The following RABGAP1 variants were observed in gnomAD, a reference collection of about 807,000 sequenced individuals.
RABGAP1 encodes RAB GTPase activating protein 1, also known as rab GTPase-activating protein 1.
In RABGAP1, 23 loss-of-function variants were observed where a neutral mutation model predicts 137.6. The observed-to-expected ratio is 0.17, with a 90% confidence interval of 0.12 to 0.24. The LOEUF is 0.24. RABGAP1 is among the 10% of genes least tolerant of loss of function. The pLI is 1.00. For synonymous variants in RABGAP1, 451 were observed against 450.7 expected, an observed-to-expected ratio of 1.00 and a Z score of -0.01; for missense variants, 906 against 1,275.8, an observed-to-expected ratio of 0.71 and a Z score of 4.42.
rs967674885 is a variant in RABGAP1, at chr9:122,967,680, A to C, written c.150+10471A>C. ...TAGTCATTTATAGTACATGGGGGGA[A>C]CCCTCAGGTATCTTCCGAAGAACAA... On this transcript the variant is annotated intron_variant, in intron 2 of 25. Transcript: ENST00000373647. Among the ~76,000 whole-genome samples the C allele has an allele frequency of 4.6e-5, 7 of 151,958 alleles. No individual in the cohort carries two copies. In the East Asian group the frequency reaches 9.6e-4, roughly 21 times the overall value.
rs557807127 is a variant in RABGAP1 at position 122,951,337 on chromosome 9, A to G, written c.-49-5674A>G. 2.0e-5 allele frequency among the ~76,000 whole-genome samples: 3 copies of G among 152,212 alleles called. No individual in the cohort carries two copies. In the East Asian group the frequency reaches 5.8e-4, roughly 29 times the overall value. ...CTGCTAATTGCACATTAGCAAATCC[A>G]TGCCACTGCATGTCACTGTTACTTC... On this transcript the variant is annotated intron_variant, in intron 1 of 25. Coordinates refer to ENST00000373647, the MANE Select transcript of RABGAP1 (RefSeq NM_012197.4).
chr9:122,964,271 G>A (rs1835009466), intron 2 of RABGAP1, among the ~76,000 whole-genome samples: 1 of 152,138 alleles, frequency 6.6e-6, no homozygotes, highest in South Asian at 2.1e-4. Context: ...AAGGGAAACT[G>A]CACACCAGTG....
At chr9:122,973,181 A>G (rs1835560231) in intron 2 of RABGAP1, among the ~76,000 whole-genome samples, 1 of 152,198 alleles carries the variant, frequency 6.6e-6, no homozygotes, top group South Asian at 2.1e-4. Context: ...AAGATACTCT[A>G]TAAATACTGG....
chr9:122,969,184 G>A (rs754566980), intron 2 of RABGAP1, among the ~76,000 whole-genome samples: 1 of 143,868 alleles, frequency 7.0e-6, no homozygotes, highest in Non-Finnish European at 1.6e-5. Flanking sequence ...TGTTAGAATT[G>A]CCTACAGTAT....
At chr9:123,035,560 G>C (rs774406174) in intron 13 of RABGAP1, 1 of 1,612,804 alleles carries the variant, frequency 6.2e-7, no homozygotes, top group Non-Finnish European at 8.5e-7. Context: ...TCAGACTACA[G>C]CCAACGACCC....
intron 2 of RABGAP1, among the ~76,000 whole-genome samples, chr9:122,958,279 T>C (rs995949505): frequency 6.6e-6 from 1 of 152,206 alleles, no homozygotes; most frequent in Non-Finnish European, 1.5e-5. Flanking sequence ...TGTGCGAAGC[T>C]GGGGCTGTGG....
At chr9:122,965,045 A>T (rs1356974677) in intron 2 of RABGAP1, among the ~76,000 whole-genome samples, 3 of 152,146 alleles carry the variant, frequency 2.0e-5, no homozygotes, top group African/African-American at 7.2e-5. Context: ...CAACAACAAA[A>T]ATGCAATGAA....
chr9:123,052,451 A>T (rs922716729), intron 13 of RABGAP1, among the ~76,000 whole-genome samples: 11 of 152,228 alleles, frequency 7.2e-5, no homozygotes, highest in Admixed American at 1.3e-4. Context: ...ATTATGTGTC[A>T]TACATCCTTT....
At chr9:123,060,087 G>T (rs1375690410) in intron 13 of RABGAP1, among the ~76,000 whole-genome samples, 1 of 152,204 alleles carries the variant, frequency 6.6e-6, no homozygotes, top group Non-Finnish European at 1.5e-5. Flanking sequence ...CAAGAATAGA[G>T]AACTGTTGAG....
At chr9:123,071,534 A>G (rs896058091) in intron 15 of RABGAP1, 1 of 152,232 alleles carries the variant, frequency 6.6e-6, no homozygotes, top group Non-Finnish European at 1.5e-5. Context: ...ATCCTCCTGG[A>G]TACAGAGCTT....
In RABGAP1 at chr9:122,957,165, C is replaced by T. The variant is rs1361971673; in HGVS notation, c.106C>T (p.Pro36Ser). The T allele has an allele frequency of 3.8e-6, 6 of 1,570,482 alleles. No individual in the cohort carries two copies. The African/African-American group carries it at 5.4e-5, about 14-fold the overall frequency. Reference sequence around the variant, plus strand: ...GGTTTCCAGGCAAGGAGATGAGACACCATCTACAAATAATGGAAGTGATGA... The same window carrying T: ...GGTTTCCAGGCAAGGAGATGAGACATCATCTACAAATAATGGAAGTGATGA... ...VLVSRQGDET[P>S]STNNGSDDEK... is the part of the protein sequence containing the mutation. The change falls in exon 2 of 26, where the codon CCA (proline) becomes TCA (serine). Residue 36 changes from proline to serine, a missense_variant. Coordinates refer to ENST00000373647, the MANE Select transcript of RABGAP1 (RefSeq NM_012197.4).
chr9:123,086,360 C>T (rs766921843), intron 19 of RABGAP1, among the ~76,000 whole-genome samples: 6 of 152,154 alleles, frequency 3.9e-5, no homozygotes, highest in South Asian at 4.1e-4. Context: ...TCTGGGTACT[C>T]GCTATACATG....
intron 9 of RABGAP1, among the ~76,000 whole-genome samples, chr9:122,997,653 C>G (rs1199661607): frequency 1.3e-5 from 2 of 151,580 alleles, no homozygotes; most frequent in Non-Finnish European, 2.9e-5. Flanking sequence ...AGAGGTAATC[C>G]ATGCACATAA....
At chr9:123,084,944 C>T (rs1405911806) in intron 19 of RABGAP1, among the ~76,000 whole-genome samples, 2 of 152,192 alleles carry the variant, frequency 1.3e-5, no homozygotes, top group Non-Finnish European at 2.9e-5. Context: ...AGCCCGAGCT[C>T]TTAGTGGGCA....
chr9:123,050,933 G>A (rs1177567140), intron 13 of RABGAP1, among the ~76,000 whole-genome samples: 1 of 152,102 alleles, frequency 6.6e-6, no homozygotes, highest in South Asian at 2.1e-4. Context: ...AGTTTCAATA[G>A]CAGGGTTTTT....
At chr9:122,976,102 T>G (rs1835748033) in intron 2 of RABGAP1, among the ~76,000 whole-genome samples, 1 of 152,226 alleles carries the variant, frequency 6.6e-6, no homozygotes, top group African/African-American at 2.4e-5. Context: ...CACCCTGCTA[T>G]GTAAGCAGAA....
chr9:122,936,910 C>T (rs1833395760), upstream of RABGAP1, among the ~76,000 whole-genome samples: 1 of 152,150 alleles, frequency 6.6e-6, no homozygotes. Flanking sequence ...TAAGCTTTCA[C>T]CCGAGGCTGA....
At chr9:123,004,458 A>C (rs886173153) in intron 10 of RABGAP1, among the ~76,000 whole-genome samples, 1 of 151,666 alleles carries the variant, frequency 6.6e-6, no homozygotes, top group Admixed American at 6.6e-5. Context: ...CTAATTTTTT[A>C]ATTTTTTGGA....
chr9:123,089,872 G>C, intron 20 of RABGAP1, 22 bp downstream of exon 20: 1 of 1,586,752 alleles, frequency 6.3e-7, no homozygotes. Flanking sequence ...TATGGCCTAC[G>C]TGTGAGGAGC....
Sources: allele counts gnomAD v4.1 joint callset (sites outside exome capture counted in the v4.1 genomes callset), GRCh38; gene constraint gnomAD v4.1.1; transcripts MANE v1.5; gene names NCBI Gene and HGNC (gene_info 2026-07-23, HGNC 2026-07-21).